Variants in PCDHGA11 observed in about 807,000 individuals in gnomAD.
PCDHGA11 encodes protocadherin gamma subfamily A, 11.
PCDHGA11 carries 39 observed loss-of-function variants against 60.4 expected under a neutral mutation model. That is an observed-to-expected ratio of 0.65 (90% CI 0.50 to 0.84). The LOEUF (loss-of-function observed/expected upper bound fraction) is 0.84. PCDHGA11 is among the 40% of genes least tolerant of loss of function. The probability of loss-of-function intolerance (pLI) is 0.00; values close to 1 mark genes in which losing one functional copy is unlikely to be tolerated. For missense variants in PCDHGA11, 1,165 were observed against 1,197.7 expected (o/e 0.97, Z 0.40); for synonymous variants, 533 against 510.3 (o/e 1.04, Z -0.60).
chr5:141,509,144 G>C (rs969990007), intron 3 of PCDHGA11, among the ~76,000 whole-genome samples: 14 of 152,114 alleles, frequency 9.2e-5, no homozygotes, highest in Admixed American at 2.0e-4. Context: ...GGCGCATCCC[G>C]GCTCTCCCCT....
intron 1 of PCDHGA11, among the ~76,000 whole-genome samples, chr5:141,438,647 CACACAT>C (rs1324641788): frequency 3.8e-5 from 4 of 106,486 alleles, no homozygotes; most frequent in South Asian, 2.8e-4. Flanking sequence ...CACACACACA[CACACAT>C]ATATGTATAT....
Position 141,489,090 on chromosome 5 carries a change from C to CCAA in PCDHGA11, c.2434-5717_2434-5716insCAA, listed in dbSNP as rs2099682444. 1 of 328,824 alleles carries CCAA rather than the reference C, an allele frequency of 3.0e-6. No individual in the cohort carries two copies. Among genetic ancestry groups the CCAA allele is most frequent in the Admixed American group, 6.1e-5 (1 of 16,500 alleles). The allele number at this position is 328,824 out of a possible 1,614,324, so 20.4% of individuals were successfully genotyped here. ...CCTGCCCACCCCCGCCACTCGGTGA[C>CCAA]TAAGAACTGCTGCAAGCAGGCAAAC... On this transcript the variant is annotated intron_variant, in intron 1 of 3. Transcript: ENST00000398587. This position sits in a 1 kb window ranked among gnomAD's most constrained non-coding sequence, Gnocchi z 4.5.
chr5:141,470,021 C>T (rs111919483), intron 1 of PCDHGA11, among the ~76,000 whole-genome samples: 8 of 152,156 alleles, frequency 5.3e-5, no homozygotes, highest in African/African-American at 1.9e-4. Flanking sequence ...CCCAGCTACT[C>T]GGGATGCTGA....
chr5:141,457,942 T>C (rs2098933338), intron 1 of PCDHGA11, among the ~76,000 whole-genome samples: 1 of 152,226 alleles, frequency 6.6e-6, no homozygotes, highest in Non-Finnish European at 1.5e-5. Flanking sequence ...TTATTGGCTC[T>C]GCATGTCAAG....
At chr5:141,461,799 G>T (rs1025237561) in intron 1 of PCDHGA11, among the ~76,000 whole-genome samples, 5 of 151,188 alleles carry the variant, frequency 3.3e-5, no homozygotes, top group Admixed American at 1.3e-4. Context: ...GATTACAGGT[G>T]CCCACCACCA....
At chr5:141,446,447 A>G (rs2098502204) in intron 1 of PCDHGA11, among the ~76,000 whole-genome samples, 1 of 151,946 alleles carries the variant, frequency 6.6e-6, no homozygotes, top group Non-Finnish European at 1.5e-5. Context: ...AACAGTGCAG[A>G]TATTCAGTGT....
intron 1 of PCDHGA11, among the ~76,000 whole-genome samples, chr5:141,444,462 C>T (rs1314366280): frequency 3.3e-5 from 5 of 152,002 alleles, no homozygotes; most frequent in African/African-American, 9.7e-5. Flanking sequence ...TGAGTCACTG[C>T]GCCCGGTCGC....
rs749095017 is a variant in PCDHGA11, at chr5:141,489,455, G to A, written c.2434-5352G>A. 1 of 1,614,042 alleles carries A rather than the reference G, an allele frequency of 6.2e-7. No homozygotes were observed. ...CTGCAATTGGGCTCTGAGGAGAATGGGCGCTATTTTTCCCTGAGCTTGATG... is the reference window on the plus strand; with the variant it reads ...CTGCAATTGGGCTCTGAGGAGAATGAGCGCTATTTTTCCCTGAGCTTGATG... On this transcript the variant is annotated intron_variant, in intron 1 of 3. Coordinates refer to ENST00000398587, the MANE Select transcript of PCDHGA11 (RefSeq NM_018914.3). This position sits in a 1 kb window ranked among gnomAD's most constrained non-coding sequence, Gnocchi z 4.5.
chr5:141,506,262 A>G (rs1395369571), intron 3 of PCDHGA11, among the ~76,000 whole-genome samples: 1 of 152,046 alleles, frequency 6.6e-6, no homozygotes, highest in Admixed American at 6.6e-5. Context: ...CGGCCTGGCC[A>G]ACATAGTGAA....
rs1176011355 is a variant in PCDHGA11, at chr5:141,485,491, G to C, written c.2434-9316G>C. Reference sequence around the variant, plus strand: ...TCAGTGCCAGCTGCATCGTGCCCCTGGAGTTTGTCACCGAAGGTCCTTTGG... The same window carrying C: ...TCAGTGCCAGCTGCATCGTGCCCCTCGAGTTTGTCACCGAAGGTCCTTTGG... On this transcript the variant is annotated intron_variant, in intron 1 of 3. Coordinates refer to ENST00000398587, the MANE Select transcript of PCDHGA11 (RefSeq NM_018914.3). This position sits in a 1 kb window ranked among gnomAD's most constrained non-coding sequence, Gnocchi z 5.7. 6.2e-7 allele frequency: 1 copy of C among 1,614,142 alleles called. No homozygotes were observed. The highest frequency in any genetic ancestry group is 1.3e-5 in the African/African-American group (1 of 75,018).
intron 1 of PCDHGA11, chr5:141,492,003 T>G: frequency 1.6e-6 from 1 of 626,972 alleles, no homozygotes; most frequent in Non-Finnish European, 2.6e-6. Context: ...TCGGGCGATT[T>G]CCGCGGGTGT....
chr5:141,429,573 T>G (rs1026656206), intron 1 of PCDHGA11, among the ~76,000 whole-genome samples: 3 of 152,206 alleles, frequency 2.0e-5, no homozygotes, highest in Non-Finnish European at 4.4e-5. Context: ...TCAGTTACAT[T>G]TACTTTTGAT....
chr5:141,434,072 A>G lies in PCDHGA11; in HGVS notation c.2433+10412A>G, dbSNP rs558084143. On this transcript the variant is annotated intron_variant, in intron 1 of 3. Coordinates refer to ENST00000398587, the MANE Select transcript of PCDHGA11 (RefSeq NM_018914.3). ...CAATGGCCTGTAATCTGTTAATATC[A>G]ATTATTTATTTTGATGCTGAAATTG... Among the ~76,000 whole-genome samples the G allele has an allele frequency of 1.9e-3, 289 of 152,072 alleles. 1 individual carries two copies. Among genetic ancestry groups the G allele is most frequent in the African/African-American group, 6.7e-3 (276 of 41,486 alleles).
In PCDHGA11 at chr5:141,476,529, A is replaced by G. The variant is rs752442904; in HGVS notation, c.2434-18278A>G. On this transcript the variant is annotated intron_variant, in intron 1 of 3. Coordinates refer to ENST00000398587, the MANE Select transcript of PCDHGA11 (RefSeq NM_018914.3). The surrounding 1 kb of genome is among the most constrained non-coding windows in gnomAD (Gnocchi z 7.6). ...GACAACAATCCTGCTTTCCCTACCCAGGAAATGAAATTGGAGATTAGCGAG... is the reference window on the plus strand; with the variant it reads ...GACAACAATCCTGCTTTCCCTACCCGGGAAATGAAATTGGAGATTAGCGAG... 2.8e-5 allele frequency: 46 copies of G among 1,614,198 alleles called. No individual in the cohort carries two copies. Among genetic ancestry groups the G allele is most frequent in the Non-Finnish European group, 3.8e-5 (45 of 1,180,044 alleles).
Position 141,422,528 on chromosome 5 carries a change from C to T in PCDHGA11, c.1301C>T (p.Ser434Phe). The change falls in exon 1 of 4, where the codon TCT (serine) becomes TTT (phenylalanine). Residue 434 changes from serine (S) to phenylalanine (F), a missense_variant. Coordinates refer to ENST00000398587, the MANE Select transcript of PCDHGA11 (RefSeq NM_018914.3). ...ACAGACCAGGGAAGCCCGCCTTTGTCTGCAGAAACTCATGTCTGGCTGAAT... is the reference window on the plus strand; with the variant it reads ...ACAGACCAGGGAAGCCCGCCTTTGTTTGCAGAAACTCATGTCTGGCTGAAT... ...TATDQGSPPL[S>F]AETHVWLNVA... 8 of 1,614,018 alleles carry T rather than the reference C, an allele frequency of 5.0e-6. No individual in the cohort carries two copies. Among genetic ancestry groups the T allele is most frequent in the Non-Finnish European group, 5.1e-6 (6 of 1,179,894 alleles).
chr5:141,511,560 T>C lies in PCDHGA11; in HGVS notation c.*387T>C. ...CCACCCCACTCCAACAGTTCCTCTT[T>C]CCCGAGTAAGGTGGTTGGGGTGTTG... On this transcript the variant is annotated 3_prime_UTR_variant, in exon 4 of 4. Coordinates refer to ENST00000398587, the MANE Select transcript of PCDHGA11 (RefSeq NM_018914.3). The C allele has an allele frequency of 3.3e-6, 1 of 298,990 alleles. No homozygotes were observed. The highest frequency in any genetic ancestry group is 3.7e-5 in the South Asian group (1 of 27,250). The allele number at this position is 298,990 out of a possible 1,614,324, so 18.5% of individuals were successfully genotyped here.
At chr5:141,445,070 A>G (rs185808898) in intron 1 of PCDHGA11, among the ~76,000 whole-genome samples, 30 of 152,306 alleles carry the variant, frequency 2.0e-4, no homozygotes, top group African/African-American at 7.2e-4. Context: ...TATATTTCTC[A>G]TTAAATTGTC....
intron 1 of PCDHGA11, chr5:141,426,612 G>A (rs2096947310): frequency 2.6e-6 from 1 of 384,602 alleles, no homozygotes; most frequent in Non-Finnish European, 5.3e-6. Flanking sequence ...GATTGTAGCA[G>A]AGAATCCTCT....
At chr5:141,455,013 C>T (rs1468289988) in intron 1 of PCDHGA11, among the ~76,000 whole-genome samples, 2 of 151,130 alleles carry the variant, frequency 1.3e-5, no homozygotes, top group African/African-American at 4.9e-5. Context: ...GGGGTTTCAC[C>T]GTGTTAGCCA....
Sources: allele counts gnomAD v4.1 joint callset (sites outside exome capture counted in the v4.1 genomes callset), GRCh38; gene constraint gnomAD v4.1.1; non-coding constraint Gnocchi (gnomAD v3.1); transcripts MANE v1.5; gene names NCBI Gene and HGNC (gene_info 2026-07-23, HGNC 2026-07-21).